The following DENND2A variants were observed in gnomAD, a reference collection of about 807,000 sequenced individuals.
DENND2A encodes DENN domain-containing protein 2A.
DENND2A carries 53 observed loss-of-function variants against 105.3 expected under a neutral mutation model. The observed-to-expected ratio is 0.50, with a 90% CI of 0.40 to 0.63. The LOEUF (loss-of-function observed/expected upper bound fraction) is 0.63. DENND2A is among the 30% of genes least tolerant of loss of function. DENND2A has a pLI of 0.00. For synonymous variants in DENND2A, 522 were observed against 508.4 expected (o/e 1.03, Z -0.36); for missense variants, 1,138 against 1,279.6 (o/e 0.89, Z 1.69).
intron 14 of DENND2A, among the ~76,000 whole-genome samples, chr7:140,540,724 CTTTT>C (rs375517319): frequency 0.034 from 4,963 of 146,320 alleles, 254 homozygotes; most frequent in African/African-American, 0.12. Flanking sequence ...TTCTTTCTTT[CTTTT>C]TTTTTTTTAG....
In DENND2A at chr7:140,601,439, A is replaced by G. The variant is rs772000768; in HGVS notation, c.959T>C (p.Leu320Pro). 8 of 1,611,176 alleles carry G rather than the reference A, an allele frequency of 5.0e-6. No homozygotes were observed. In the South Asian group the frequency reaches 6.6e-5, roughly 13 times the overall value. Reference protein sequence around the residue: ...SPPPSSVNRRLWTGRQKSSAD... With the variant: ...SPPPSSVNRRPWTGRQKSSAD... ...ACTGGATTTCTGTCTCCCGGTCCAC[A>G]GTCTTCTGTTCACAGAGGAAGGTGG... The change falls in exon 3 of 20, where the codon CTG becomes CCG. Residue 320 changes from leucine (L) to proline (P), a missense_variant. Physicochemically the swap from Leu to Pro is moderately conservative, Grantham distance 98. Transcript: ENST00000496613.
chr7:140,623,277 C>T (rs1051072516), intron 1 of DENND2A, among the ~76,000 whole-genome samples: 5 of 142,374 alleles, frequency 3.5e-5, no homozygotes, highest in Admixed American at 7.0e-5. Flanking sequence ...ATCATGCCAC[C>T]GCACTCCAGC....
chr7:140,632,490 G>A (rs1208444052), intron 1 of DENND2A, among the ~76,000 whole-genome samples: 2 of 152,188 alleles, frequency 1.3e-5, no homozygotes, highest in East Asian at 1.9e-4. Flanking sequence ...CTTTACCAGC[G>A]TGGCCACAAG....
chr7:140,637,686 A>G (rs28666053), intron 1 of DENND2A, among the ~76,000 whole-genome samples: 2 of 152,136 alleles, frequency 1.3e-5, no homozygotes, highest in Non-Finnish European at 2.9e-5. Context: ...ATGGAATCCT[A>G]TAATGCTGTG....
intron 5 of DENND2A, among the ~76,000 whole-genome samples, chr7:140,584,089 A>T (rs1798672804): frequency 6.7e-6 from 1 of 149,092 alleles, no homozygotes; most frequent in East Asian, 1.9e-4. Flanking sequence ...TAAAAGTACA[A>T]AAATTAGCCA....
intron 3 of DENND2A, among the ~76,000 whole-genome samples, chr7:140,597,399 T>C (rs1412717034): frequency 6.6e-6 from 1 of 152,220 alleles, no homozygotes; most frequent in Non-Finnish European, 1.5e-5. Context: ...TCCTTTTTGT[T>C]TTTAAGAGAT....
Position 140,546,817 on chromosome 7 carries a change from C to T in DENND2A, c.2160G>A (p.Leu720=), listed in dbSNP as rs762561728. Residue 720 remains leucine, a synonymous_variant, in exon 13 of 20, where the codon CTG becomes CTA. Coordinates refer to ENST00000496613, the MANE Select transcript of DENND2A (RefSeq NM_015689.5). ...AACTCACCTCAGTTCCTGAACCTGG[C>T]AGGAAGTTCTTGACAAGGATGGTTT... ...LGKTILVKNF[L]PGSGTEVIEL... is the part of the protein sequence containing the mutation. 2 of 1,614,120 alleles carry T rather than the reference C, an allele frequency of 1.2e-6. No homozygotes were observed. Among genetic ancestry groups the T allele is most frequent in the Non-Finnish European group, 1.7e-6 (2 of 1,179,986 alleles).
rs760071628 is a variant in DENND2A, at chr7:140,559,590, C to T, written c.1889+118G>A. The T allele has an allele frequency of 2.3e-5, 17 of 738,448 alleles. No homozygotes were observed. The highest frequency in any genetic ancestry group is 3.7e-5 in the Non-Finnish European group (16 of 437,738). 45.7% of individuals were successfully genotyped at this position (738,448 alleles called of 1,614,324 possible). A position where few individuals can be genotyped will look rare whatever the true frequency, so the allele number is the denominator to read the frequency against. On this transcript the variant is annotated intron_variant, in intron 10 of 19. Transcript: ENST00000496613. The surrounding 1 kb of genome is among the most constrained non-coding windows in gnomAD (Gnocchi z 4.1). ...AACACCCCTTGGGGAAAGCTCTAGG[C>T]CAGGCCCATCAGGATTACTTAACGG...
At chr7:140,613,795 C>T (rs1457599767) in intron 1 of DENND2A, among the ~76,000 whole-genome samples, 3 of 152,076 alleles carry the variant, frequency 2.0e-5, no homozygotes, top group Admixed American at 6.6e-5. Flanking sequence ...CACAAAAAAA[C>T]TGCCTTCCTT....
rs564197215 is a variant in DENND2A, at chr7:140,583,658, G to A, written c.1245+1931C>T. Among the ~76,000 whole-genome samples, 38 of 150,610 alleles carry A rather than the reference G, an allele frequency of 2.5e-4. 3 individuals carry two copies. The highest frequency in any genetic ancestry group is 7.0e-4 in the African/African-American group (28 of 39,918). ...ATAAAAGTCAAATTTCGCCGGGCGC[G>A]GTGGCTCACGCCTGCAACCCCAGCA... On this transcript the variant is annotated intron_variant, in intron 5 of 19. Transcript: ENST00000496613.
intron 4 of DENND2A, among the ~76,000 whole-genome samples, chr7:140,586,654 T>C (rs1185112263): frequency 6.6e-6 from 1 of 152,212 alleles, no homozygotes; most frequent in Non-Finnish European, 1.5e-5. Context: ...AGCATCCTCT[T>C]GGGCAGTCAC....
Position 140,597,998 on chromosome 7 carries a change from T to TACAAA in DENND2A, c.995+3404_995+3405insTTTGT, listed in dbSNP as rs1799347754. ...AAACCTAGTAAAGATAGTGCAATCA[T>TACAAA]CCTGTATGTATTCTGCAAAAAAAAG... On this transcript the variant is annotated intron_variant, in intron 3 of 19. Coordinates refer to ENST00000496613, the MANE Select transcript of DENND2A (RefSeq NM_015689.5). Among the ~76,000 whole-genome samples the TACAAA allele has an allele frequency of 2.0e-5, 3 of 148,870 alleles. No homozygotes were observed. The South Asian group carries it at 6.4e-4, about 32-fold the overall frequency.
At chr7:140,608,442 CG>C (rs1361133837) in intron 1 of DENND2A, among the ~76,000 whole-genome samples, 8 of 152,028 alleles carry the variant, frequency 5.3e-5, no homozygotes, top group Admixed American at 3.9e-4. Flanking sequence ...TTTTGGAGGC[CG>C]GGGTGGGCTG....
intron 5 of DENND2A, among the ~76,000 whole-genome samples, chr7:140,578,700 G>A (rs1798408581): frequency 6.6e-6 from 1 of 151,900 alleles, no homozygotes; most frequent in African/African-American, 2.4e-5. Context: ...GGCCAACACG[G>A]CGAAACCCCG....
chr7:140,555,430 C>T (rs750134001), intron 12 of DENND2A, among the ~76,000 whole-genome samples: 4 of 152,112 alleles, frequency 2.6e-5, no homozygotes, highest in South Asian at 2.1e-4. Context: ...TGAGCCACCC[C>T]GCCACCACAC....
chr7:140,588,548 A>T (rs1017231751), intron 3 of DENND2A, among the ~76,000 whole-genome samples: 1 of 152,130 alleles, frequency 6.6e-6, no homozygotes, highest in African/African-American at 2.4e-5. Context: ...ATTACAGTAT[A>T]GACAGTCCCT....
intron 3 of DENND2A, 102 bp downstream of exon 3, chr7:140,601,301 T>C (rs1799473677): frequency 1.4e-6 from 2 of 1,451,376 alleles, no homozygotes; most frequent in Non-Finnish European, 1.8e-6. Context: ...TCCATCAGTT[T>C]AATAAAACAA....
chr7:140,625,861 A>G (rs67718311), intron 1 of DENND2A, among the ~76,000 whole-genome samples: 58,891 of 151,978 alleles, frequency 0.39, 11,543 homozygotes, highest in Middle Eastern at 0.47. Context: ...TTATTTATAC[A>G]TTTTTTATTG....
chr7:140,600,927 G>A (rs183064863), intron 3 of DENND2A, among the ~76,000 whole-genome samples: 26 of 152,244 alleles, frequency 1.7e-4, no homozygotes, highest in African/African-American at 2.9e-4. Flanking sequence ...TTCACAGTGC[G>A]TGCATCCATA....
Sources: gnomAD v4.1 joint callset for allele counts (sites outside exome capture counted in the v4.1 genomes callset) on GRCh38, gnomAD v4.1.1 for gene constraint, Gnocchi (gnomAD v3.1) non-coding constraint, MANE v1.5 for transcripts, NCBI Gene and HGNC (gene_info 2026-07-23, HGNC 2026-07-21) for gene names.